TBCK: variants seen among roughly 807,000 people sequenced by gnomAD.
TBCK encodes the protein TBC1 domain containing kinase.
TBCK carries 99 observed loss-of-function variants against 113.4 expected under a neutral mutation model. The ratio of observed to expected loss-of-function variants is 0.87; its 90% CI spans 0.74 to 1.03. The LOEUF (loss-of-function observed/expected upper bound fraction) is 1.03, where lower values mean the gene tolerates loss of function less well. Ranked by LOEUF, TBCK falls within the 50% of genes least tolerant of loss-of-function variation. TBCK has a pLI of 0.00. For synonymous variants in TBCK, 369 were observed against 370.8 expected (o/e 1.00, Z 0.05); for missense variants, 1,045 against 1,061.3 (o/e 0.98, Z 0.21).
chr4:106,176,069 T>A (rs1014496050), intron 22 of TBCK, among the ~76,000 whole-genome samples: 1 of 152,130 alleles, frequency 6.6e-6, no homozygotes, highest in Non-Finnish European at 1.5e-5. Flanking sequence ...TATGTATTAA[T>A]TAAATATGGA....
At chr4:106,225,014 A>G (rs1028930617) in intron 19 of TBCK, among the ~76,000 whole-genome samples, 3 of 152,176 alleles carry the variant, frequency 2.0e-5, no homozygotes, top group Non-Finnish European at 4.4e-5. Context: ...TCATTTTCAC[A>G]TTTATTTACC....
chr4:106,086,274 C>T (rs1278399051), intron 25 of TBCK, among the ~76,000 whole-genome samples: 1 of 152,064 alleles, frequency 6.6e-6, no homozygotes, highest in Non-Finnish European at 1.5e-5. Context: ...CACGGAAATA[C>T]AAACTACCAT....
chr4:106,082,783 A>G (rs776117275), intron 25 of TBCK, among the ~76,000 whole-genome samples: 7 of 152,104 alleles, frequency 4.6e-5, no homozygotes, highest in Non-Finnish European at 8.8e-5. Flanking sequence ...CTCTCATCAA[A>G]ATTGACTAGA....
chr4:106,306,927 T>C (rs1292889694), intron 2 of TBCK, among the ~76,000 whole-genome samples: 13 of 152,206 alleles, frequency 8.5e-5, no homozygotes, highest in Admixed American at 7.2e-4. Flanking sequence ...TACTTTAACA[T>C]GTCTGTGTGT....
At chr4:106,069,463 GGTGTT>G (rs1251631385) in intron 25 of TBCK, among the ~76,000 whole-genome samples, 1 of 152,080 alleles carries the variant, frequency 6.6e-6, no homozygotes, top group Admixed American at 6.5e-5. Flanking sequence ...GTAGATGTGT[GGTGTT>G]ATTTCTGAGG....
At chr4:106,310,855 T>C (rs1768126653) in intron 1 of TBCK, among the ~76,000 whole-genome samples, 1 of 151,702 alleles carries the variant, frequency 6.6e-6, no homozygotes, top group Non-Finnish European at 1.5e-5. Flanking sequence ...TATGAAAAAA[T>C]AACACAAAAA....
intron 2 of TBCK, among the ~76,000 whole-genome samples, chr4:106,298,802 C>T (rs1173002185): frequency 6.6e-6 from 1 of 152,052 alleles, no homozygotes. Flanking sequence ...AAATTATGAC[C>T]ACATTGCAAG....
rs369842291 is a variant in TBCK, at chr4:106,248,904, C to T, written c.720+17G>A. ...TATAGCAGCACAAATGGACTAAGAC[C>T]CAGATTAATGACAAACCTTTATAAT... On this transcript the variant is annotated intron_variant, in intron 8 of 25. Coordinates refer to ENST00000394708, the MANE Select transcript of TBCK (RefSeq NM_001163435.3). 11 of 1,590,500 alleles carry T rather than the reference C, an allele frequency of 6.9e-6. No individual in the cohort carries two copies. The highest frequency in any genetic ancestry group is 9.4e-6 in the Non-Finnish European group (11 of 1,170,676).
intron 3 of TBCK, among the ~76,000 whole-genome samples, chr4:106,292,282 A>G (rs964060232): frequency 2.0e-5 from 3 of 152,144 alleles, no homozygotes; most frequent in Admixed American, 6.5e-5. Context: ...ATTAAAGTAT[A>G]TGCCCTTGGC....
chr4:106,105,065 T>C (rs933225768), intron 24 of TBCK, among the ~76,000 whole-genome samples: 1 of 152,206 alleles, frequency 6.6e-6, no homozygotes, highest in African/African-American at 2.4e-5. Flanking sequence ...AATAAAAGCC[T>C]CTCTGCCACT....
intron 10 of TBCK, among the ~76,000 whole-genome samples, chr4:106,245,323 T>G (rs539608159): frequency 5.3e-5 from 8 of 152,282 alleles, no homozygotes; most frequent in African/African-American, 1.9e-4. Context: ...ATGAGCACTG[T>G]TCTTAACAAG....
chr4:106,089,295 A>G (rs899111499), intron 25 of TBCK, among the ~76,000 whole-genome samples: 1 of 152,160 alleles, frequency 6.6e-6, no homozygotes, highest in African/African-American at 2.4e-5. Context: ...ACTTATTACC[A>G]CTGGGAGGGC....
At chr4:106,101,611 A>T (rs1339839053) in intron 24 of TBCK, among the ~76,000 whole-genome samples, 2 of 152,226 alleles carry the variant, frequency 1.3e-5, no homozygotes, top group African/African-American at 2.4e-5. Flanking sequence ...TCAAAAAACA[A>T]ATTTAAGCCT....
intron 1 of TBCK, among the ~76,000 whole-genome samples, chr4:106,313,628 T>G (rs1167358514): frequency 6.6e-6 from 1 of 152,130 alleles, no homozygotes. Context: ...TACCCAAGAA[T>G]GAATATAAGC....
At chr4:106,165,326 T>C (rs1278378412) in intron 23 of TBCK, among the ~76,000 whole-genome samples, 4 of 151,750 alleles carry the variant, frequency 2.6e-5, no homozygotes, top group African/African-American at 7.2e-5. Context: ...GATGAAATAA[T>C]TATTTTGGCA....
rs976654604 is a variant in TBCK, at chr4:106,308,811, A to T, written c.150T>A (p.His50Gln). ...TATCCACATACTGGCAGAGTCTGGG[A>T]TGGGTGATGGTTTTAAGGATTTGAA... ...GRFQILKTIT[H>Q]PRLCQYVDIS... is the part of the protein sequence containing the mutation. The change falls in exon 2 of 26, where the codon CAT becomes CAA. Residue 50 changes from histidine to glutamine, a missense_variant. Transcript: ENST00000394708. 1.4e-5 allele frequency: 23 copies of T among 1,614,118 alleles called. No homozygotes were observed. The East Asian group carries it at 5.1e-4, about 36-fold the overall frequency.
At chr4:106,254,330 A>G (rs527571260) in intron 5 of TBCK, among the ~76,000 whole-genome samples, 1 of 152,338 alleles carries the variant, frequency 6.6e-6, no homozygotes, top group East Asian at 1.9e-4. Flanking sequence ...GTTTCAAGGC[A>G]ACAGCCAAGG....
intron 24 of TBCK, among the ~76,000 whole-genome samples, chr4:106,114,404 C>T (rs899388349): frequency 6.6e-6 from 1 of 152,140 alleles, no homozygotes; most frequent in African/African-American, 2.4e-5. Context: ...TTTAATCATC[C>T]CCATGCATGA....
intron 19 of TBCK, among the ~76,000 whole-genome samples, chr4:106,219,923 C>G (rs985663076): frequency 6.6e-6 from 1 of 151,928 alleles, no homozygotes; most frequent in Admixed American, 6.6e-5. Context: ...TTTTTAAAAC[C>G]GATTATTTGG....
Sources: allele counts gnomAD v4.1 joint callset (sites outside exome capture counted in the v4.1 genomes callset), GRCh38; gene constraint gnomAD v4.1.1; transcripts MANE v1.5; gene names NCBI Gene and HGNC (gene_info 2026-07-23, HGNC 2026-07-21).